ZBTB41: variants seen among roughly 807,000 people sequenced by gnomAD.
ZBTB41 encodes zinc finger and BTB domain-containing protein 41.
Under a neutral mutation model 87.6 loss-of-function variants are expected in ZBTB41, and 42 were observed. The observed-to-expected ratio is 0.48, with a 90% CI of 0.37 to 0.62. The LOEUF is 0.62. ZBTB41 is among the 20% of genes least tolerant of loss of function. The pLI is 0.00. For synonymous variants in ZBTB41, 364 were observed against 364.0 expected, an observed-to-expected ratio of 1.00 and a Z score of 0.00; for missense variants, 799 against 1,078.9, an observed-to-expected ratio of 0.74 and a Z score of 3.63.
In ZBTB41 at chr1:197,191,788, T is replaced by C; in HGVS notation, c.1232A>G (p.His411Arg). The C allele has an allele frequency of 6.2e-7, 1 of 1,613,954 alleles. No individual in the cohort carries two copies. The highest frequency in any genetic ancestry group is 8.5e-7 in the Non-Finnish European group (1 of 1,179,928). ...KSNLTVHRKK[H>R]SNETEFHKKE... Reference sequence around the variant, plus strand: ...CTTATGAAATTCTGTTTCATTACTGTGCTTCTTTCTGTGAACAGTTAGGTT... The same window carrying C: ...CTTATGAAATTCTGTTTCATTACTGCGCTTCTTTCTGTGAACAGTTAGGTT... Residue 411 changes from histidine (H) to arginine (R), a missense_variant, in exon 3 of 11, where the codon CAC becomes CGC. His to Arg is a conservative substitution (Grantham distance 29). Transcript: ENST00000367405.
In ZBTB41 at chr1:197,165,604, T is replaced by C. The variant is rs576575739; in HGVS notation, c.2075-5590A>G. On this transcript the variant is annotated intron_variant, in intron 10 of 10. Transcript: ENST00000367405. ...CAGCCTGGGTGACAGAGCGAGACTC[T>C]ATCTCAAAAAAAAAACAAAAAAAAC... is the stretch of plus-strand genomic sequence containing the variant. Among the ~76,000 whole-genome samples the C allele has an allele frequency of 1.1e-4, 17 of 148,836 alleles. No individual in the cohort carries two copies. The East Asian group carries it at 2.8e-3, about 24-fold the overall frequency.
Position 197,199,617 on chromosome 1 carries a change from T to C in ZBTB41, c.857A>G (p.Asp286Gly), listed in dbSNP as rs144270248. The C allele has an allele frequency of 1.0e-3, 1,638 of 1,610,870 alleles. 3 individuals carry two copies. The highest frequency in any genetic ancestry group is 1.1e-3 in the Non-Finnish European group (1,344 of 1,179,304). ...ATCATTTCTATCTGACTTTTCCTTA[T>C]CAAAATTTTCTTGATTCAAATTGTC... ...GSDNLNQENF[D>G]KEKSDRNDSE... The change falls in exon 2 of 11, where the codon GAT (aspartate) becomes GGT (glycine). Residue 286 changes from aspartate to glycine, a missense_variant. Physicochemically the swap from Asp to Gly is moderately conservative, Grantham distance 94. Around this residue, in one of 5 missense-constraint regions of ZBTB41, gnomAD observed 294 missense variants for 340.1 expected, o/e 0.86. Transcript: ENST00000367405.
chr1:197,187,318 G>A (rs563278964), intron 5 of ZBTB41, among the ~76,000 whole-genome samples: 3 of 152,254 alleles, frequency 2.0e-5, no homozygotes, highest in South Asian at 4.1e-4. Context: ...TTCAGTGAGC[G>A]AATGGATAAA....
intron 5 of ZBTB41, among the ~76,000 whole-genome samples, chr1:197,186,592 T>G (rs1341764578): frequency 2.0e-5 from 3 of 152,218 alleles, no homozygotes; most frequent in Non-Finnish European, 4.4e-5. Context: ...CCAGGCGTGG[T>G]GGCTCACGCC....
chr1:197,199,438 C>T lies in ZBTB41; in HGVS notation c.1036G>A (p.Glu346Lys). The T allele has an allele frequency of 1.2e-6, 2 of 1,612,236 alleles. No homozygotes were observed. Among genetic ancestry groups the T allele is most frequent in the Non-Finnish European group, 1.7e-6 (2 of 1,179,440 alleles). ...TGAATGACCACTGGAGTTAACCCCT[C>T]ATGAACATTTCCTACAGAATCACCA... The part of the protein sequence containing the change: ...EAGDSVGNVH[E>K]GLTPVVIQNS... Residue 346 changes from glutamate to lysine, a missense_variant, in exon 2 of 11, where the codon GAG (glutamate) becomes AAG (lysine). Glu to Lys is a moderately conservative substitution (Grantham distance 56). This residue lies in a region of ZBTB41 where 294 missense variants were observed against 340.1 expected (regional missense o/e 0.86). Transcript: ENST00000367405.
Position 197,178,479 on chromosome 1 carries a change from A to C in ZBTB41, c.1710T>G (p.Ser570Arg). Residue 570 changes from serine to arginine, a missense_variant, in exon 7 of 11, where the codon AGT (serine) becomes AGG (arginine). Transcript: ENST00000367405. The stretch of plus-strand genomic sequence containing the variant: ...TACTACAAAGGTGAGGCTTTTCTCC[A>C]CTGTGGATTCTCAAATGTTCTTTCA... ...TTLKEHLRIHSGEKPHLCSIC... is the reference protein window; with the variant it reads ...TTLKEHLRIHRGEKPHLCSIC... 6.2e-7 allele frequency: 1 copy of C among 1,607,870 alleles called. No homozygotes were observed. The highest frequency in any genetic ancestry group is 8.5e-7 in the Non-Finnish European group (1 of 1,177,026).
chr1:197,166,695 A>T (rs2125125034), intron 10 of ZBTB41, among the ~76,000 whole-genome samples: 1 of 152,056 alleles, frequency 6.6e-6, no homozygotes. Flanking sequence ...AAAAAAAAAA[A>T]AATTAGCCGG....
At position 197,159,582 on chromosome 1, in the gene ZBTB41, T is replaced by C; in HGVS notation, c.2507A>G (p.His836Arg). The C allele has an allele frequency of 6.2e-7, 1 of 1,613,534 alleles. No individual in the cohort carries two copies. Among genetic ancestry groups the C allele is most frequent in the East Asian group, 2.2e-5 (1 of 44,878 alleles). The part of the protein sequence containing the change: ...RHTTTLPPSS[H>R]EILSPQPQST... ...CTGTGGCTGTGGTGACAGAATCTCA[T>C]GAGAAGATGGTGGGAGTGTGGTAGT... Residue 836 changes from histidine (H) to arginine (R), a missense_variant, in exon 11 of 11, where the codon CAT becomes CGT. Transcript: ENST00000367405.
At chr1:197,192,534 C>G (rs1393281403) in intron 2 of ZBTB41, among the ~76,000 whole-genome samples, 1 of 152,036 alleles carries the variant, frequency 6.6e-6, no homozygotes, top group Non-Finnish European at 1.5e-5. Context: ...ATTATTATTA[C>G]TGGGTAATCT....
intron 2 of ZBTB41, among the ~76,000 whole-genome samples, chr1:197,198,239 T>C (rs1243676443): frequency 6.6e-6 from 1 of 152,220 alleles, no homozygotes; most frequent in Non-Finnish European, 1.5e-5. Context: ...TATTAATAAT[T>C]ATTAAATTAG....
At position 197,164,617 on chromosome 1, in the gene ZBTB41, T is replaced by C. The variant is rs1175020069; in HGVS notation, c.2075-4603A>G. Among the ~76,000 whole-genome samples, 5 of 148,192 alleles carry C rather than the reference T, an allele frequency of 3.4e-5. No homozygotes were observed. The East Asian group carries it at 7.8e-4, about 23-fold the overall frequency. ...TTTATCCCATAATAAAGAGCAACATTTTATAATGATATAAAAGACCATTCA... is the reference window on the plus strand; with the variant it reads ...TTTATCCCATAATAAAGAGCAACATCTTATAATGATATAAAAGACCATTCA... On this transcript the variant is annotated intron_variant, in intron 10 of 10. Coordinates refer to ENST00000367405, the MANE Select transcript of ZBTB41 (RefSeq NM_194314.3).
intron 10 of ZBTB41, among the ~76,000 whole-genome samples, chr1:197,166,376 G>A (rs1160326524): frequency 1.3e-5 from 2 of 151,902 alleles, no homozygotes; most frequent in Non-Finnish European, 2.9e-5. Flanking sequence ...TGACAAAAAG[G>A]TTATCACTAA....
At chr1:197,185,707 C>A (rs61819121) in intron 5 of ZBTB41, among the ~76,000 whole-genome samples, 45,727 of 151,838 alleles carry the variant, frequency 0.3, 8,677 homozygotes, top group Middle Eastern at 0.45. Context: ...CTTTCTTTGC[C>A]TAAGCCAATA....
chr1:197,182,929 T>C (rs978805718), intron 5 of ZBTB41, among the ~76,000 whole-genome samples: 17 of 152,158 alleles, frequency 1.1e-4, no homozygotes, highest in African/African-American at 4.1e-4. Flanking sequence ...GCTTGTGATA[T>C]ATACCAAACT....
At position 197,156,836 on chromosome 1, in the gene ZBTB41, A is replaced by G. The variant is rs1001709616; in HGVS notation, c.*2523T>C. The G allele has an allele frequency of 1.3e-5, 2 of 152,222 alleles. No individual in the cohort carries two copies. Among genetic ancestry groups the G allele is most frequent in the African/African-American group, 4.8e-5 (2 of 41,390 alleles). The allele number at this position is 152,222 out of a possible 1,614,324, so 9.4% of individuals were successfully genotyped here. A position where few individuals can be genotyped will look rare whatever the true frequency, so the allele number is the denominator to read the frequency against. ...AGGTTAAGATTAAATGACAGGATGT[A>G]GTACCTGGCACATAGTAAGCATTCA... On this transcript the variant is annotated 3_prime_UTR_variant, in exon 11 of 11. Coordinates refer to ENST00000367405, the MANE Select transcript of ZBTB41 (RefSeq NM_194314.3).
rs970431652 is a variant in ZBTB41 at position 197,156,680 on chromosome 1, A to C, written c.*2679T>G. 2.0e-5 allele frequency: 3 copies of C among 152,236 alleles called. No homozygotes were observed. The highest frequency in any genetic ancestry group is 7.2e-5 in the African/African-American group (3 of 41,422). 9.4% of individuals were successfully genotyped at this position (152,236 alleles called of 1,614,324 possible). On this transcript the variant is annotated 3_prime_UTR_variant, in exon 11 of 11. Transcript: ENST00000367405. ...TGCCCAAATCCATGAGGTTTTCACA[A>C]TTGTAAAATTTCTTACATTTTTGGA...
At position 197,191,745 on chromosome 1, in the gene ZBTB41, A is replaced by T; in HGVS notation, c.1275T>A (p.Pro425=). ...TEFHKKEHKC[P]YCNKLHASKK... ...TGCTTGCATGAAGTTTATTACAATA[A>T]GGGCACTTGTGCTCCTTCTTATGAA... is the stretch of plus-strand genomic sequence containing the variant. The change falls in exon 3 of 11, where the codon CCT becomes CCA. Residue 425 remains proline (P), a synonymous_variant. Transcript: ENST00000367405. 6.2e-7 allele frequency: 1 copy of T among 1,613,740 alleles called. No homozygotes were observed.
intron 5 of ZBTB41, among the ~76,000 whole-genome samples, chr1:197,187,008 G>A (rs553484969): frequency 3.7e-4 from 56 of 152,242 alleles, no homozygotes; most frequent in Non-Finnish European, 6.9e-4. Flanking sequence ...TCAATGCAAT[G>A]AGATACCACT....
chr1:197,192,534 C>T (rs1393281403), intron 2 of ZBTB41, among the ~76,000 whole-genome samples: 4 of 152,036 alleles, frequency 2.6e-5, no homozygotes, highest in African/African-American at 9.7e-5. Context: ...ATTATTATTA[C>T]TGGGTAATCT....
Sources: gnomAD v4.1 joint callset for allele counts (sites outside exome capture counted in the v4.1 genomes callset) on GRCh38, gnomAD v4.1.1 for gene constraint, gnomAD v4.1.1 regional missense constraint, MANE v1.5 for transcripts, NCBI Gene and HGNC (gene_info 2026-07-23, HGNC 2026-07-21) for gene names.